Variants in FILIP1L observed in about 807,000 individuals in gnomAD.
The protein encoded by FILIP1L is filamin A interacting protein 1 like.
In FILIP1L, 55 loss-of-function variants were observed where a neutral mutation model predicts 96.6. That is an observed-to-expected ratio of 0.57 (90% CI 0.46 to 0.71). The LOEUF is 0.71. Ranked by LOEUF, FILIP1L falls within the 30% of genes least tolerant of loss-of-function variation. The pLI, the probability that FILIP1L is intolerant of heterozygous loss-of-function variation, is 0.00. For synonymous variants in FILIP1L, 467 were observed against 473.9 expected (o/e 0.99, Z 0.19); for missense variants, 1,304 against 1,321.2 (o/e 0.99, Z 0.20).
At chr3:99,864,625 T>C (rs1483222302) in intron 4 of FILIP1L, among the ~76,000 whole-genome samples, 1 of 152,134 alleles carries the variant, frequency 6.6e-6, no homozygotes, top group Non-Finnish European at 1.5e-5. Context: ...TTTTTGGTGT[T>C]CATTTGTTCA....
chr3:100,073,299 G>A (rs985810131), intron 1 of FILIP1L, among the ~76,000 whole-genome samples: 1 of 152,140 alleles, frequency 6.6e-6, no homozygotes, highest in Admixed American at 6.5e-5. Context: ...TTGAGTTCTT[G>A]TGATAGAGAT....
At chr3:100,045,313 C>A (rs2065262065) in intron 1 of FILIP1L, among the ~76,000 whole-genome samples, 1 of 152,098 alleles carries the variant, frequency 6.6e-6, no homozygotes, top group South Asian at 2.1e-4. Flanking sequence ...TGGTAATTGC[C>A]ATTATTACTA....
intron 1 of FILIP1L, among the ~76,000 whole-genome samples, chr3:100,002,171 TG>T (rs907616988): frequency 5.4e-4 from 82 of 152,336 alleles, no homozygotes; most frequent in African/African-American, 1.9e-3. Flanking sequence ...CTTCTTTATT[TG>T]GAGCTGATGG....
intron 1 of FILIP1L, among the ~76,000 whole-genome samples, chr3:99,948,568 G>A (rs376949627): frequency 6.8e-6 from 1 of 146,186 alleles, no homozygotes; most frequent in African/African-American, 2.5e-5. Flanking sequence ...GAAGGAGAAG[G>A]CGAAGGAGAA....
At chr3:99,952,582 A>G (rs1185132518) in intron 1 of FILIP1L, among the ~76,000 whole-genome samples, 2 of 152,190 alleles carry the variant, frequency 1.3e-5, no homozygotes, top group Non-Finnish European at 2.9e-5. Context: ...TGGTGCTAGA[A>G]AACACTATGC....
intron 1 of FILIP1L, among the ~76,000 whole-genome samples, chr3:99,983,276 G>A (rs1171567335): frequency 6.6e-6 from 1 of 150,790 alleles, no homozygotes; most frequent in Non-Finnish European, 1.5e-5. Flanking sequence ...ACTCATGCCT[G>A]TAATCCTAAC....
chr3:99,894,883 G>A (rs1706198982), intron 4 of FILIP1L, among the ~76,000 whole-genome samples: 1 of 152,170 alleles, frequency 6.6e-6, no homozygotes, highest in Non-Finnish European at 1.5e-5. Flanking sequence ...TAGAGTTCAA[G>A]CTATATTTAG....
At chr3:99,890,377 G>A (rs1411308171) in intron 4 of FILIP1L, among the ~76,000 whole-genome samples, 2 of 151,992 alleles carry the variant, frequency 1.3e-5, no homozygotes, top group Non-Finnish European at 2.9e-5. Flanking sequence ...AGCTTCCTGA[G>A]TCTGTAGATT....
chr3:99,993,330 G>A (rs1410827453), intron 1 of FILIP1L, among the ~76,000 whole-genome samples: 1 of 151,820 alleles, frequency 6.6e-6, no homozygotes, highest in Non-Finnish European at 1.5e-5. Context: ...TTCAGTTTTG[G>A]AGCTTGGAAC....
At chr3:99,948,455 G>A (rs1576593956) in intron 1 of FILIP1L, among the ~76,000 whole-genome samples, 1 of 148,090 alleles carries the variant, frequency 6.8e-6, no homozygotes, top group South Asian at 2.3e-4. Context: ...GAAGGATCAG[G>A]ATCACCTAAG....
At chr3:99,945,837 T>G (rs2107681932) in intron 1 of FILIP1L, among the ~76,000 whole-genome samples, 1 of 152,300 alleles carries the variant, frequency 6.6e-6, no homozygotes, top group Non-Finnish European at 1.5e-5. Flanking sequence ...CTGTCAGGGC[T>G]CTCACGTTCC....
chr3:99,858,636 G>A (rs1489268703), intron 4 of FILIP1L, among the ~76,000 whole-genome samples: 1 of 152,150 alleles, frequency 6.6e-6, no homozygotes, highest in African/African-American at 2.4e-5. Context: ...GAAGACAGCT[G>A]TATCCTCAGA....
intron 4 of FILIP1L, among the ~76,000 whole-genome samples, chr3:99,871,910 A>C (rs1204124098): frequency 6.6e-6 from 1 of 151,986 alleles, no homozygotes; most frequent in Non-Finnish European, 1.5e-5. Flanking sequence ...AGCCTGATTA[A>C]ATTGTATTGA....
At position 99,849,686 on chromosome 3, in the gene FILIP1L, C is replaced by T; in HGVS notation, c.1990G>A (p.Ala664Thr). Residue 664 changes from alanine to threonine, a missense_variant, in exon 5 of 6, where the codon GCT becomes ACT. Ala to Thr is a moderately conservative substitution (Grantham distance 58, BLOSUM62 0). Transcript: ENST00000477258. Reference sequence around the variant, plus strand: ...AATTGAGCTTTGTCTCGTTCATTAGCATACCTTCGTTCTAGAGTCTCATAT... The same window carrying T: ...AATTGAGCTTTGTCTCGTTCATTAGTATACCTTCGTTCTAGAGTCTCATAT... ...DEYETLERRY[A>T]NERDKAQFLS... is the part of the protein sequence containing the mutation. The T allele has an allele frequency of 6.2e-7, 1 of 1,613,502 alleles. No individual in the cohort carries two copies. Among genetic ancestry groups the T allele is most frequent in the South Asian group, 1.1e-5 (1 of 90,966 alleles).
At chr3:100,074,279 C>T (rs2065811326) in intron 1 of FILIP1L, among the ~76,000 whole-genome samples, 1 of 152,188 alleles carries the variant, frequency 6.6e-6, no homozygotes, top group Non-Finnish European at 1.5e-5. Context: ...CCCAGGCCAG[C>T]TCCAAAATGC....
intron 4 of FILIP1L, among the ~76,000 whole-genome samples, chr3:99,864,356 G>A (rs1484454332): frequency 1.3e-5 from 2 of 152,106 alleles, no homozygotes; most frequent in African/African-American, 2.4e-5. Flanking sequence ...TCTACTCTGT[G>A]CCACTAGATC....
chr3:99,920,355 C>T (rs562492050), intron 4 of FILIP1L, among the ~76,000 whole-genome samples: 1 of 152,028 alleles, frequency 6.6e-6, no homozygotes, highest in Non-Finnish European at 1.5e-5. Context: ...TGGCATTTCA[C>T]TTATGGGAAA....
In FILIP1L at chr3:99,920,895, T is replaced by C. The variant is rs144395896; in HGVS notation, c.605+3335A>G. The stretch of plus-strand genomic sequence containing the variant: ...ACGTAGTTCTTAATTTTTGTTTTAT[T>C]TCCAGGTAGATACAAACCAACACTT... On this transcript the variant is annotated intron_variant, in intron 4 of 5. Coordinates refer to ENST00000477258, the MANE Select transcript of FILIP1L (RefSeq NM_001387850.1). Among the ~76,000 whole-genome samples the C allele has an allele frequency of 6.7e-3, 1,023 of 152,352 alleles. 3 individuals are homozygous for C. Among genetic ancestry groups the C allele is most frequent in the African/African-American group, 8.5e-3 (352 of 41,586 alleles).
At chr3:100,077,045 C>T (rs1199300841) in intron 1 of FILIP1L, among the ~76,000 whole-genome samples, 2 of 152,198 alleles carry the variant, frequency 1.3e-5, no homozygotes, top group African/African-American at 4.8e-5. Context: ...GGCCAGGGTA[C>T]GCTTACATAA....
Sources: gnomAD v4.1 joint callset for allele counts (sites outside exome capture counted in the v4.1 genomes callset) on GRCh38, gnomAD v4.1.1 for gene constraint, MANE v1.5 for transcripts, NCBI Gene and HGNC (gene_info 2026-07-23, HGNC 2026-07-21) for gene names.